EP400: variants seen among roughly 807,000 people sequenced by gnomAD.
EP400 encodes the protein E1A binding protein p400.
A neutral mutation model predicts 354.1 loss-of-function variants in EP400; 105 were observed. That is an observed-to-expected ratio of 0.30 (90% confidence interval 0.25 to 0.35). The LOEUF is 0.35. Ranked by LOEUF, EP400 falls within the 10% of genes least tolerant of loss-of-function variation. EP400 has a pLI of 1.00. For missense variants in EP400, 3,280 were observed against 4,121.0 expected, an observed-to-expected ratio of 0.80 and a Z score of 5.59; for synonymous variants, 1,646 against 1,716.9, an observed-to-expected ratio of 0.96 and a Z score of 1.02.
chr12:132,032,907 G>C (rs1367949987), intron 30 of EP400, among the ~76,000 whole-genome samples: 2 of 152,214 alleles, frequency 1.3e-5, no homozygotes, highest in East Asian at 3.9e-4. Flanking sequence ...GGGATTACAG[G>C]CATGAGCCAC....
intron 31 of EP400, 32 bp from the exon 32 acceptor site, chr12:132,037,921 T>C: frequency 1.2e-6 from 2 of 1,614,030 alleles, no homozygotes; most frequent in Non-Finnish European, 1.7e-6. Flanking sequence ...TTGGACCTTG[T>C]ACTGGGGAGT....
intron 10 of EP400, among the ~76,000 whole-genome samples, chr12:131,991,719 T>G (rs1439363986): frequency 1.3e-5 from 2 of 151,876 alleles, no homozygotes; most frequent in East Asian, 3.9e-4. Flanking sequence ...TAGCTAGGAC[T>G]ATAGGCGCAC....
At chr12:132,058,481 A>T (rs1317182525) in intron 45 of EP400, among the ~76,000 whole-genome samples, 1 of 151,206 alleles carries the variant, frequency 6.6e-6, no homozygotes, top group African/African-American at 2.4e-5. Flanking sequence ...CCTCCTGAGT[A>T]GCTGGGATTA....
At chr12:132,001,426 T>G (rs769934242) in intron 12 of EP400, among the ~76,000 whole-genome samples, 1 of 152,186 alleles carries the variant, frequency 6.6e-6, no homozygotes, top group Non-Finnish European at 1.5e-5. Context: ...GCTACTGTTA[T>G]CTAAAAGGCA....
chr12:131,957,006 G>T (rs1891724739), intron 1 of EP400, among the ~76,000 whole-genome samples: 1 of 151,562 alleles, frequency 6.6e-6, no homozygotes, highest in South Asian at 2.1e-4. Flanking sequence ...CAAGTAGCTG[G>T]GATTACAGGC....
intron 12 of EP400, among the ~76,000 whole-genome samples, chr12:132,004,849 C>T (rs1893528354): frequency 6.6e-6 from 1 of 152,150 alleles, no homozygotes; most frequent in African/African-American, 2.4e-5. Context: ...AAATATTTTA[C>T]ACCTTTTATC....
At position 131,997,842 on chromosome 12, in the gene EP400, C is replaced by T. The variant is rs566415498; in HGVS notation, c.2827+2886C>T. 2.0e-5 allele frequency among the ~76,000 whole-genome samples: 3 copies of T among 152,236 alleles called. No individual in the cohort carries two copies. The South Asian group carries it at 6.2e-4, about 32-fold the overall frequency. On this transcript the variant is annotated intron_variant, in intron 12 of 52. Transcript: ENST00000389561. Reference sequence around the variant, plus strand: ...CCAAGTTGTCCACCGATCAGCTATACGTCATTTTGCTCAAAGTTACAATTT... The same window carrying T: ...CCAAGTTGTCCACCGATCAGCTATATGTCATTTTGCTCAAAGTTACAATTT...
chr12:132,031,682 A>G lies in EP400; in HGVS notation c.5755-271A>G, dbSNP rs563698207. Among the ~76,000 whole-genome samples the G allele has an allele frequency of 1.8e-3, 273 of 152,196 alleles. 1 individual carries two copies. The highest frequency in any genetic ancestry group is 2.2e-3 in the Non-Finnish European group (147 of 68,000). On this transcript the variant is annotated intron_variant, in intron 29 of 52. Transcript: ENST00000389561. ...GCCATTCTCCTGCCACAGCCTCCCA[A>G]GTAGCTGGGACTGCAGGCGCCTGCC...
chr12:132,067,605 C>T lies in EP400; in HGVS notation c.8874+119C>T. 4 of 1,407,954 alleles carry T rather than the reference C, an allele frequency of 2.8e-6. No homozygotes were observed. The highest frequency in any genetic ancestry group is 4.6e-5 in the East Asian group (2 of 43,116). 87.2% of individuals were successfully genotyped at this position (1,407,954 alleles called of 1,614,324 possible). On this transcript the variant is annotated intron_variant, in intron 50 of 52. Transcript: ENST00000389561. This position sits in a 1 kb window ranked among gnomAD's most constrained non-coding sequence, Gnocchi z 5.3. ...GCGGCTCACGCTTTTCAGAGGGTGG[C>T]TTCAAGGGCTGGAGGTGCTAGTGTG...
intron 25 of EP400, among the ~76,000 whole-genome samples, chr12:132,026,813 C>T (rs1383220135): frequency 6.6e-6 from 1 of 152,158 alleles, no homozygotes; most frequent in Non-Finnish European, 1.5e-5. Flanking sequence ...GTGACTCTTA[C>T]CCCTGGGCCC....
intron 39 of EP400, among the ~76,000 whole-genome samples, chr12:132,048,318 G>C (rs571722670): frequency 6.6e-6 from 1 of 152,272 alleles, no homozygotes; most frequent in South Asian, 2.1e-4. Flanking sequence ...AAAGACAGGC[G>C]TAAGAAATTA....
chr12:132,030,972 T>C (rs1894469382), intron 29 of EP400, among the ~76,000 whole-genome samples: 1 of 152,182 alleles, frequency 6.6e-6, no homozygotes, highest in Admixed American at 6.5e-5. Flanking sequence ...CGCAGCCTGC[T>C]TTATCTCACA....
chr12:131,987,788 C>T lies in EP400; in HGVS notation c.2307C>T (p.Ala769=), dbSNP rs1376021270. 2 of 1,612,978 alleles carry T rather than the reference C, an allele frequency of 1.2e-6. No homozygotes were observed. Among genetic ancestry groups the T allele is most frequent in the Non-Finnish European group, 1.7e-6 (2 of 1,179,936 alleles). The change falls in exon 7 of 53, where the codon GCC becomes GCT. Residue 769 remains alanine (A), a synonymous_variant. Transcript: ENST00000389561. ...GGCGTCTGCCAAAGCTGCAGGAGGCCCCACGCCCCAAGTCCCACTGGGACT... is the reference window on the plus strand; with the variant it reads ...GGCGTCTGCCAAAGCTGCAGGAGGCTCCACGCCCCAAGTCCCACTGGGACT... The part of the protein sequence containing the change: ...SQRRLPKLQE[A]PRPKSHWDYL...
intron 5 of EP400, among the ~76,000 whole-genome samples, chr12:131,984,830 C>T (rs2136495597): frequency 6.6e-6 from 1 of 151,928 alleles, no homozygotes; most frequent in Non-Finnish European, 1.5e-5. Flanking sequence ...TCCCGAGTAG[C>T]TGGGACTACA....
chr12:131,973,991 T>TA (rs1281218092), intron 2 of EP400, among the ~76,000 whole-genome samples: 1 of 149,776 alleles, frequency 6.7e-6, no homozygotes, highest in Admixed American at 6.6e-5. Context: ...TGTTTGTATT[T>TA]TTTTTTTTTT....
chr12:131,990,650 A>C lies in EP400; in HGVS notation c.2565A>C (p.Lys855Asn). 6.2e-7 allele frequency: 1 copy of C among 1,611,560 alleles called. No homozygotes were observed. ...WSNIEQVVEI[K>N]LRVELEEKRK... Reference sequence around the variant, plus strand: ...TTTGCATTTAGGTTGTGGAAATAAAACTACGAGTAGAATTAGAAGAAAAAA... The same window carrying C: ...TTTGCATTTAGGTTGTGGAAATAAACCTACGAGTAGAATTAGAAGAAAAAA... The change falls in exon 9 of 53, where the codon AAA (lysine) becomes AAC (asparagine). Residue 855 changes from lysine (K) to asparagine (N), a missense_variant. Lys to Asn is a moderately conservative substitution (Grantham distance 94). Coordinates refer to ENST00000389561, the MANE Select transcript of EP400 (RefSeq NM_015409.5). This position sits in a 1 kb window ranked among gnomAD's most constrained non-coding sequence, Gnocchi z 4.2.
intron 47 of EP400, among the ~76,000 whole-genome samples, chr12:132,063,878 C>T (rs1482817418): frequency 1.3e-5 from 2 of 152,198 alleles, no homozygotes; most frequent in Non-Finnish European, 2.9e-5. Flanking sequence ...CGGGACGTGC[C>T]ACTGGACAGT....
chr12:132,017,723 T>A lies in EP400; in HGVS notation c.4110+2T>A, dbSNP rs749627042. 1.9e-5 allele frequency: 29 copies of A among 1,516,200 alleles called. No individual in the cohort carries two copies. Among genetic ancestry groups the A allele is most frequent in the Admixed American group, 6.8e-5 (3 of 43,998 alleles). 93.9% of individuals were successfully genotyped at this position (1,516,200 alleles called of 1,614,324 possible). On this transcript the variant is annotated splice_donor_variant, in intron 20 of 52. Transcript: ENST00000389561. LOFTEE classifies it high-confidence loss of function. The surrounding 1 kb of genome is among the most constrained non-coding windows in gnomAD (Gnocchi z 5.0). ...GCACTGGAGAGAGATTTCTGGAAGG[T>A]AAGTGGAGGATCCAGAAAGCGGAAT...
chr12:132,072,696 C>G (rs1008707321), intron 51 of EP400, among the ~76,000 whole-genome samples: 16 of 152,282 alleles, frequency 1.1e-4, no homozygotes, highest in African/African-American at 3.6e-4. Flanking sequence ...TCATTTCGGT[C>G]TTCTGTGTGT....
Sources: allele counts gnomAD v4.1 joint callset (sites outside exome capture counted in the v4.1 genomes callset), GRCh38; gene constraint gnomAD v4.1.1; non-coding constraint Gnocchi (gnomAD v3.1); transcripts MANE v1.5; gene names NCBI Gene and HGNC (gene_info 2026-07-23, HGNC 2026-07-21).